RBBP8NL: variants seen among roughly 807,000 people sequenced by gnomAD.
RBBP8NL encodes RBBP8 N-terminal-like protein.
A neutral mutation model predicts 62.2 loss-of-function variants in RBBP8NL; 59 were observed. The ratio of observed to expected loss-of-function variants is 0.95; its 90% CI spans 0.77 to 1.18. The LOEUF is 1.18. Ranked by LOEUF, RBBP8NL falls within the 50% of genes most tolerant of loss-of-function variation. RBBP8NL has a pLI of 0.00. For synonymous variants in RBBP8NL, 412 were observed against 394.1 expected, an observed-to-expected ratio of 1.05 and a Z score of -0.54; for missense variants, 896 against 899.5, an observed-to-expected ratio of 1.00 and a Z score of 0.05.
At chr20:62,425,076 T>C (rs1988778405) in intron 1 of RBBP8NL, among the ~76,000 whole-genome samples, 1 of 152,176 alleles carries the variant, frequency 6.6e-6, no homozygotes, top group East Asian at 1.9e-4. Flanking sequence ...GCCTGTTTCC[T>C]CACCTGGGGG....
In RBBP8NL at chr20:62,418,421, A is replaced by C; in HGVS notation, c.104+2T>G. On this transcript the variant is annotated splice_donor_variant, in intron 3 of 13. Transcript: ENST00000252998. LOFTEE classifies it high-confidence loss of function. ...GGAGGGGCCCTGCTTGGCCTGACTC[A>C]CCGGCACCTCTCTGAGTTCAGTTCC... is the stretch of plus-strand genomic sequence containing the variant. The C allele has an allele frequency of 3.2e-6, 5 of 1,550,278 alleles. No homozygotes were observed. The highest frequency in any genetic ancestry group is 4.4e-6 in the Non-Finnish European group (5 of 1,146,898).
At chr20:62,424,883 ACC>A (rs373729629) in intron 1 of RBBP8NL, among the ~76,000 whole-genome samples, 1 of 150,820 alleles carries the variant, frequency 6.6e-6, no homozygotes, top group African/African-American at 2.4e-5. Context: ...GAGAGGGTGC[ACC>A]CCCCCCACCC....
intron 2 of RBBP8NL, 51 bp downstream of exon 2, chr20:62,419,536 G>T: frequency 6.4e-7 from 1 of 1,573,992 alleles, no homozygotes; most frequent in Non-Finnish European, 8.7e-7. Flanking sequence ...ACCCTTAGGT[G>T]AGGGCTGTGG....
chr20:62,413,605 A>T (rs562754725), intron 10 of RBBP8NL, 60 bp from the exon 11 acceptor site: 1 of 1,485,494 alleles, frequency 6.7e-7, no homozygotes, highest in Non-Finnish European at 8.9e-7. Context: ...CCGCCAACTC[A>T]GCCCTGGACA....
rs1456889854 is a variant in RBBP8NL at position 62,410,858 on chromosome 20, T to C, written c.*20A>G. 1.9e-6 allele frequency: 3 copies of C among 1,556,918 alleles called. No homozygotes were observed. The highest frequency in any genetic ancestry group is 2.2e-5 in the South Asian group (2 of 89,564). ...GTGGAGGGCTGCCCCGGGCTCGCTG[T>C]GGACCCTGGTGCAGGCTGGCTAGGT... is the stretch of plus-strand genomic sequence containing the variant. On this transcript the variant is annotated 3_prime_UTR_variant, in exon 14 of 14. Coordinates refer to ENST00000252998, the MANE Select transcript of RBBP8NL (RefSeq NM_080833.3).
At chr20:62,415,764 A>G in intron 7 of RBBP8NL, 24 bp downstream of exon 7, 1 of 1,610,842 alleles carries the variant, frequency 6.2e-7, no homozygotes, top group South Asian at 1.1e-5. Flanking sequence ...CCAGCCTCCC[A>G]GCCTCACCCG....
chr20:62,412,816 T>C lies in RBBP8NL; in HGVS notation c.1746+14A>G. On this transcript the variant is annotated intron_variant, in intron 12 of 13. Transcript: ENST00000252998. ...TCCTGGCCCTGCCCTGCTGAGTGTGTGGCCTGGACCCACCTCGCTGCCTGG... is the reference window on the plus strand; with the variant it reads ...TCCTGGCCCTGCCCTGCTGAGTGTGCGGCCTGGACCCACCTCGCTGCCTGG... 2 of 1,613,370 alleles carry C rather than the reference T, an allele frequency of 1.2e-6. No homozygotes were observed. Among genetic ancestry groups the C allele is most frequent in the Non-Finnish European group, 1.7e-6 (2 of 1,179,988 alleles).
intron 1 of RBBP8NL, among the ~76,000 whole-genome samples, chr20:62,424,755 T>C (rs927583342): frequency 2.6e-5 from 4 of 152,128 alleles, no homozygotes; most frequent in African/African-American, 9.7e-5. Flanking sequence ...CCCCAGAGCC[T>C]GCACCTGCCC....
intron 1 of RBBP8NL, among the ~76,000 whole-genome samples, chr20:62,422,015 C>G (rs1311316894): frequency 2.0e-5 from 3 of 152,230 alleles, no homozygotes; most frequent in African/African-American, 7.2e-5. Flanking sequence ...CCTGCTCAAC[C>G]TTCCCTGAAC....
intron 1 of RBBP8NL, among the ~76,000 whole-genome samples, chr20:62,423,477 G>A (rs1346112394): frequency 1.3e-5 from 2 of 152,218 alleles, no homozygotes; most frequent in Admixed American, 1.3e-4. Flanking sequence ...AGGGCCAGGA[G>A]GGGGCGGAGC....
In RBBP8NL at chr20:62,413,495, G is replaced by A. The variant is rs748402085; in HGVS notation, c.1581C>T (p.Gly527=). ...PGSQLSLSSP[G]STEDEDTGRP... ...TCCCTGTGTCTTCATCTTCTGTACTGCCTGGAGAGGACAGGCTGAGCTGGG... is the reference window on the plus strand; with the variant it reads ...TCCCTGTGTCTTCATCTTCTGTACTACCTGGAGAGGACAGGCTGAGCTGGG... Residue 527 remains glycine, a synonymous_variant, in exon 11 of 14, where the codon GGC becomes GGT. Coordinates refer to ENST00000252998, the MANE Select transcript of RBBP8NL (RefSeq NM_080833.3). 9 of 1,516,932 alleles carry A rather than the reference G, an allele frequency of 5.9e-6. No individual in the cohort carries two copies. The highest frequency in any genetic ancestry group is 2.9e-5 in the African/African-American group (2 of 70,074). 94.0% of individuals were successfully genotyped at this position (1,516,932 alleles called of 1,614,324 possible).
chr20:62,418,089 A>G (rs1988621377), intron 3 of RBBP8NL, among the ~76,000 whole-genome samples: 1 of 152,216 alleles, frequency 6.6e-6, no homozygotes, highest in Admixed American at 6.5e-5. Context: ...GCCAGAACGC[A>G]GGGAGCCTGC....
intron 10 of RBBP8NL, 56 bp from the exon 11 acceptor site, chr20:62,413,601 A>G (rs1036621014): frequency 5.4e-6 from 8 of 1,493,584 alleles, no homozygotes; most frequent in South Asian, 1.4e-5. Context: ...CTTGCCGCCA[A>G]CTCAGCCCTG....
At chr20:62,426,950 T>A (rs1175688850) in intron 1 of RBBP8NL, among the ~76,000 whole-genome samples, 1 of 152,106 alleles carries the variant, frequency 6.6e-6, no homozygotes, top group Non-Finnish European at 1.5e-5. Context: ...GCCTGGCCCG[T>A]GGGGGAGGGG....
chr20:62,413,811 G>C lies in RBBP8NL; in HGVS notation c.1530+10C>G. On this transcript the variant is annotated intron_variant, in intron 10 of 13. Transcript: ENST00000252998. ...GAGGACCGGGTCTGAGCCAGGACCG[G>C]GCTCCTTACCATGGGAGTGGAAGCC... 1 of 1,587,310 alleles carries C rather than the reference G, an allele frequency of 6.3e-7. No homozygotes were observed. The highest frequency in any genetic ancestry group is 8.6e-7 in the Non-Finnish European group (1 of 1,168,486).
Position 62,415,908 on chromosome 20 carries a change from C to A in RBBP8NL, c.424G>T (p.Asp142Tyr), listed in dbSNP as rs774642317. The A allele has an allele frequency of 2.5e-6, 4 of 1,582,336 alleles. No homozygotes were observed. Among genetic ancestry groups the A allele is most frequent in the Non-Finnish European group, 3.4e-6 (4 of 1,166,338 alleles). The change falls in exon 7 of 14, where the codon GAC becomes TAC. Residue 142 changes from aspartate to tyrosine, a missense_variant. Asp to Tyr is a radical substitution (Grantham distance 160). Coordinates refer to ENST00000252998, the MANE Select transcript of RBBP8NL (RefSeq NM_080833.3). ...PKPRAKEGTS[D>Y]PPSPLLLPSP... Reference sequence around the variant, plus strand: ...GGGAGCAGCAGGGGTGAGGGGGGGTCCGAGGTGCCCTCCTTGGCCCGGGGC... The same window carrying A: ...GGGAGCAGCAGGGGTGAGGGGGGGTACGAGGTGCCCTCCTTGGCCCGGGGC...
chr20:62,417,379 CCACCATCCAGCCTGGGGGGG>C, intron 3 of RBBP8NL, 60 bp from the exon 4 acceptor site: 1 of 1,368,354 alleles, frequency 7.3e-7, no homozygotes, highest in Non-Finnish European at 9.9e-7. Context: ...CACGCTGTCC[CCACCATCCAGCCTGGGGGGG>C]CAGCGCGATT....
chr20:62,421,911 A>T (rs6061524), intron 1 of RBBP8NL, among the ~76,000 whole-genome samples: 2 of 151,570 alleles, frequency 1.3e-5, no homozygotes, highest in African/African-American at 4.9e-5. Flanking sequence ...GCCAGTGTGC[A>T]TGTGTGTGTG....
intron 1 of RBBP8NL, among the ~76,000 whole-genome samples, chr20:62,425,657 C>T (rs546133298): frequency 5.9e-5 from 9 of 152,354 alleles, no homozygotes; most frequent in Non-Finnish European, 7.4e-5. Context: ...CCCGCCTCTC[C>T]GAGGGCACTC....
Sources: gnomAD v4.1 joint callset for allele counts (sites outside exome capture counted in the v4.1 genomes callset) on GRCh38, gnomAD v4.1.1 for gene constraint, MANE v1.5 for transcripts, NCBI Gene and HGNC (gene_info 2026-07-23, HGNC 2026-07-21) for gene names.